SERPINB6: variants seen among roughly 807,000 people sequenced by gnomAD.
SERPINB6 encodes the protein serpin B6.
SERPINB6 carries 16 observed loss-of-function variants against 26.1 expected under a neutral mutation model. The ratio of observed to expected loss-of-function variants is 0.61; its 90% confidence interval spans 0.42 to 0.93. SERPINB6 has a LOEUF of 0.93. Among genes scored for constraint, SERPINB6 ranks in the 40% least tolerant of loss-of-function variants. The probability of loss-of-function intolerance (pLI) is 0.00; values close to 1 mark genes in which losing one functional copy is unlikely to be tolerated. For missense variants in SERPINB6, 420 were observed against 478.0 expected (o/e 0.88, Z 1.13); for synonymous variants, 174 against 176.6 (o/e 0.99, Z 0.11).
intron 1 of SERPINB6, chr6:2,962,118 C>T (rs1029393749): frequency 1.9e-4 from 183 of 985,416 alleles, no homozygotes; most frequent in African/African-American, 2.1e-4. Flanking sequence ...CTGTTTCAGG[C>T]GCTGATCTTT....
At chr6:2,956,990 C>G (rs746655843) in intron 2 of SERPINB6, 1 of 152,232 alleles carries the variant, frequency 6.6e-6, no homozygotes, top group Non-Finnish European at 1.5e-5. Context: ...TTATTTCCAG[C>G]CACTAAGTTT....
chr6:2,962,571 C>T (rs189408400), intron 1 of SERPINB6, among the ~76,000 whole-genome samples: 2 of 152,260 alleles, frequency 1.3e-5, no homozygotes, highest in Admixed American at 1.3e-4. Flanking sequence ...ATACCAAATG[C>T]AGAAGGAAGA....
At chr6:2,949,462 C>T (rs916263035) in intron 5 of SERPINB6, among the ~76,000 whole-genome samples, 1 of 152,232 alleles carries the variant, frequency 6.6e-6, no homozygotes, top group African/African-American at 2.4e-5. Flanking sequence ...TCCTCCAAGT[C>T]GGCTCTGTCT....
At chr6:2,949,209 G>T in intron 5 of SERPINB6, 140 bp from the exon 6 acceptor site, 1 of 929,642 alleles carries the variant, frequency 1.1e-6, no homozygotes, top group Non-Finnish European at 1.7e-6. Context: ...GGCAGCGCCT[G>T]CTCTGCCATC....
In SERPINB6 at chr6:2,955,674, A is replaced by C; in HGVS notation, c.166-4T>G. 1 of 1,614,176 alleles carries C rather than the reference A, an allele frequency of 6.2e-7. No homozygotes were observed. The highest frequency in any genetic ancestry group is 8.5e-7 in the Non-Finnish European group (1 of 1,180,026). ...CACTTTTATTGAAAGAAAGTATCTG[A>C]AATCAAAAACAGAATGAAAACAAAT... On this transcript the variant is annotated splice_polypyrimidine_tract_variant and splice_region_variant and intron_variant, in intron 2 of 6. Transcript: ENST00000380539.
chr6:2,968,700 T>C (rs917572884), intron 1 of SERPINB6: 5 of 1,231,026 alleles, frequency 4.1e-6, no homozygotes, highest in South Asian at 4.1e-5. Flanking sequence ...ACCTAGACTT[T>C]CCAAACATTC....
intron 4 of SERPINB6, among the ~76,000 whole-genome samples, chr6:2,953,621 A>G (rs1053707312): frequency 6.6e-6 from 1 of 152,210 alleles, no homozygotes; most frequent in Non-Finnish European, 1.5e-5. Context: ...ACTTGAGGCC[A>G]GGAGTTTGAG....
rs536766168 is a variant in SERPINB6, at chr6:2,948,165, C to T, written c.*133G>A. 20 of 961,368 alleles carry T rather than the reference C, an allele frequency of 2.1e-5. No individual in the cohort carries two copies. Among genetic ancestry groups the T allele is most frequent in the South Asian group, 5.5e-5 (4 of 73,320 alleles). 59.6% of individuals were successfully genotyped at this position (961,368 alleles called of 1,614,324 possible). ...GACACACAAACACACGGAGTGAATG[C>T]GGCATCCCACAAATGGGCCCTTTAT... On this transcript the variant is annotated 3_prime_UTR_variant, in exon 7 of 7. Transcript: ENST00000380539. This position sits in a 1 kb window ranked among gnomAD's most constrained non-coding sequence, Gnocchi z 5.0.
chr6:2,957,475 A>C (rs1378013643), intron 2 of SERPINB6: 1 of 152,272 alleles, frequency 6.6e-6, no homozygotes, highest in African/African-American at 2.4e-5. Flanking sequence ...AATCCCAGAC[A>C]CTGGCCTCAA....
At chr6:2,955,427 A>C in intron 3 of SERPINB6, 97 bp downstream of exon 3, 1 of 1,394,506 alleles carries the variant, frequency 7.2e-7, no homozygotes, top group Non-Finnish European at 1.0e-6. Context: ...TATGTATGGC[A>C]TAATGGCATT....
intron 1 of SERPINB6, chr6:2,968,726 T>G: frequency 6.5e-6 from 8 of 1,231,582 alleles, no homozygotes; most frequent in Non-Finnish European, 8.1e-6. Context: ...AACCCTTGGA[T>G]GTCAGTACAT....
intron 1 of SERPINB6, among the ~76,000 whole-genome samples, chr6:2,965,184 T>C (rs193189840): frequency 2.6e-4 from 39 of 152,342 alleles, no homozygotes; most frequent in Middle Eastern, 3.4e-3. Context: ...TAGTTTTCTA[T>C]GTACTATGTA....
chr6:2,969,275 A>G, intron 1 of SERPINB6: 1 of 985,572 alleles, frequency 1.0e-6, no homozygotes, highest in Non-Finnish European at 1.2e-6. Context: ...TTGCAAACTC[A>G]AGACCTGTCA....
intron 1 of SERPINB6, among the ~76,000 whole-genome samples, chr6:2,964,948 A>C (rs1434574310): frequency 1.3e-5 from 2 of 152,162 alleles, no homozygotes; most frequent in African/African-American, 2.4e-5. Flanking sequence ...GCAATCCTTT[A>C]GCGTCAGCCT....
At chr6:2,968,875 C>G (rs1771873567) in intron 1 of SERPINB6, 1 of 1,230,162 alleles carries the variant, frequency 8.1e-7, no homozygotes. Context: ...CGGGAACCAG[C>G]AAATGGGAGA....
At chr6:2,956,509 A>G (rs10900933) in intron 2 of SERPINB6, 131,921 of 152,572 alleles carry the variant, frequency 0.86, 57,200 homozygotes, top group East Asian at 0.97. Flanking sequence ...CATCACCTGT[A>G]GAGAGAGTTG....
At chr6:2,955,939 T>C in intron 2 of SERPINB6, 1 of 380,826 alleles carries the variant, frequency 2.6e-6, no homozygotes, top group Non-Finnish European at 5.0e-6. Flanking sequence ...GAGCTGGGCC[T>C]GGTGGTGCGT....
intron 1 of SERPINB6, chr6:2,966,523 G>A (rs1771660743): frequency 1.5e-5 from 7 of 461,034 alleles, no homozygotes; most frequent in Non-Finnish European, 2.0e-5. Context: ...TAGGTCAGTG[G>A]CAGCGTTGGA....
chr6:2,968,707 A>T (rs919489320), intron 1 of SERPINB6: 27 of 1,231,186 alleles, frequency 2.2e-5, no homozygotes, highest in Non-Finnish European at 2.7e-5. Context: ...CTTTCCAAAC[A>T]TTCCTAACAA....
Sources: gnomAD v4.1 joint callset for allele counts (sites outside exome capture counted in the v4.1 genomes callset) on GRCh38, gnomAD v4.1.1 for gene constraint, Gnocchi (gnomAD v3.1) non-coding constraint, MANE v1.5 for transcripts, NCBI Gene and HGNC (gene_info 2026-07-23, HGNC 2026-07-21) for gene names.